Variants in COMMD10 observed in about 807,000 individuals in gnomAD.
COMMD10 encodes COMM domain-containing protein 10.
COMMD10 carries 33 observed loss-of-function variants against 28.9 expected under a neutral mutation model. That is an observed-to-expected ratio of 1.14 (90% confidence interval 0.87 to 1.53). The LOEUF is 1.53. Among genes scored for constraint, COMMD10 ranks in the 40% most tolerant of loss-of-function variants. The probability of loss-of-function intolerance (pLI) is 0.00; values close to 1 mark genes in which losing one functional copy is unlikely to be tolerated. For missense variants in COMMD10, 310 were observed against 233.4 expected, an observed-to-expected ratio of 1.33 and a Z score of -2.14; for synonymous variants, 110 against 81.7, an observed-to-expected ratio of 1.35 and a Z score of -1.87.
chr5:116,288,744 C>T (rs770188928), intron 5 of COMMD10, among the ~76,000 whole-genome samples: 6 of 151,390 alleles, frequency 4.0e-5, no homozygotes, highest in South Asian at 2.1e-4. Context: ...TTTTCCATTC[C>T]GTTACTGTAT....
intron 5 of COMMD10, among the ~76,000 whole-genome samples, chr5:116,273,113 A>T (rs1428799571): frequency 6.6e-6 from 1 of 151,988 alleles, no homozygotes; most frequent in Middle Eastern, 3.4e-3. Context: ...AGAAGAATTC[A>T]GTTTGCTCTG....
chr5:116,239,672 C>A (rs1749764232), intron 5 of COMMD10, among the ~76,000 whole-genome samples: 1 of 152,124 alleles, frequency 6.6e-6, no homozygotes, highest in South Asian at 2.1e-4. Context: ...TGATCAGAAT[C>A]TGTGTGCAAA....
intron 5 of COMMD10, among the ~76,000 whole-genome samples, chr5:116,228,018 G>C (rs10071788): frequency 0.61 from 93,208 of 151,804 alleles, 31,908 homozygotes; most frequent in South Asian, 0.78. Flanking sequence ...TTCAATGGAG[G>C]TTAAAATCTT....
chr5:116,090,147 G>A (rs113552452), intron 2 of COMMD10, among the ~76,000 whole-genome samples: 1 of 152,054 alleles, frequency 6.6e-6, no homozygotes, highest in Non-Finnish European at 1.5e-5. Context: ...CAATATGAGG[G>A]ACTAAGACAA....
intron 5 of COMMD10, among the ~76,000 whole-genome samples, chr5:116,161,443 CAA>C (rs1472979397): frequency 6.6e-6 from 1 of 152,032 alleles, no homozygotes; most frequent in Non-Finnish European, 1.5e-5. Context: ...GACCCTTGAA[CAA>C]TACCGGGTCT....
intron 4 of COMMD10, among the ~76,000 whole-genome samples, chr5:116,104,680 C>T (rs1252065685): frequency 4.0e-5 from 6 of 151,480 alleles, no homozygotes; most frequent in Non-Finnish European, 7.4e-5. Flanking sequence ...AGTGCAGTGG[C>T]ACGATGTCGG....
chr5:116,147,493 T>C (rs1176845285), intron 5 of COMMD10, among the ~76,000 whole-genome samples: 4 of 151,882 alleles, frequency 2.6e-5, no homozygotes, highest in Admixed American at 2.6e-4. Flanking sequence ...TTAAAAAATA[T>C]ATCATATTTT....
chr5:116,258,302 C>T (rs1415512825), intron 5 of COMMD10, among the ~76,000 whole-genome samples: 1 of 151,756 alleles, frequency 6.6e-6, no homozygotes, highest in African/African-American at 2.4e-5. Flanking sequence ...TTACTCTCTT[C>T]CTCCCTGTTA....
chr5:116,124,076 T>C (rs762970563), intron 4 of COMMD10, among the ~76,000 whole-genome samples: 1 of 152,202 alleles, frequency 6.6e-6, no homozygotes, highest in Non-Finnish European at 1.5e-5. Context: ...CCTTCAGTTT[T>C]GCTCTGATCT....
At chr5:116,255,113 A>G (rs1257007599) in intron 5 of COMMD10, among the ~76,000 whole-genome samples, 1 of 151,636 alleles carries the variant, frequency 6.6e-6, no homozygotes, top group African/African-American at 2.4e-5. Context: ...CAAGACTAGG[A>G]TTGCAACCCC....
At chr5:116,091,054 T>G (rs1750279987) in intron 2 of COMMD10, 25 bp from the exon 3 acceptor site, 1 of 1,416,852 alleles carries the variant, frequency 7.1e-7, no homozygotes, top group Non-Finnish European at 9.9e-7. Context: ...TGTGCTAATA[T>G]AATAGATTGC....
intron 2 of COMMD10, among the ~76,000 whole-genome samples, chr5:116,090,583 A>G (rs1381153245): frequency 6.6e-6 from 1 of 152,236 alleles, no homozygotes; most frequent in Non-Finnish European, 1.5e-5. Flanking sequence ...TCTAGTTTTG[A>G]GAGGTCAGCT....
intron 5 of COMMD10, among the ~76,000 whole-genome samples, chr5:116,235,049 A>AATCAATC (rs1169088404): frequency 1.3e-5 from 2 of 152,178 alleles, no homozygotes; most frequent in Non-Finnish European, 2.9e-5. Context: ...AGGACATAAA[A>AATCAATC]ATCAATCATT....
rs192839215 is a variant in COMMD10 at position 116,219,774 on chromosome 5, A to G, written c.511-71743A>G. 2.6e-3 allele frequency among the ~76,000 whole-genome samples: 391 copies of G among 152,340 alleles called. 1 individual carries two copies. The highest frequency in any genetic ancestry group is 4.4e-3 in the Non-Finnish European group (299 of 68,034). ...CAAATAGCTGCTGAAAATACCAAAT[A>G]CTTTTCTGTGTCTAATGATGTAATC... On this transcript the variant is annotated intron_variant, in intron 5 of 6. Coordinates refer to ENST00000274458, the MANE Select transcript of COMMD10 (RefSeq NM_016144.4).
At chr5:116,167,203 T>G (rs1036986002) in intron 5 of COMMD10, among the ~76,000 whole-genome samples, 1 of 151,896 alleles carries the variant, frequency 6.6e-6, no homozygotes, top group African/African-American at 2.4e-5. Context: ...TCATGCAGCC[T>G]ACACAAGTGT....
intron 4 of COMMD10, among the ~76,000 whole-genome samples, chr5:116,101,733 T>A (rs1750672741): frequency 6.6e-6 from 1 of 152,192 alleles, no homozygotes; most frequent in African/African-American, 2.4e-5. Flanking sequence ...CTTTCTTCAC[T>A]TTTTAATAGC....
chr5:116,285,872 C>A (rs1414932576), intron 5 of COMMD10, among the ~76,000 whole-genome samples: 1 of 151,730 alleles, frequency 6.6e-6, no homozygotes, highest in East Asian at 1.9e-4. Flanking sequence ...ATAATACTGG[C>A]CTCATTAGAA....
chr5:116,211,518 TG>T (rs986105386), intron 5 of COMMD10, among the ~76,000 whole-genome samples: 22 of 152,270 alleles, frequency 1.4e-4, no homozygotes, highest in African/African-American at 5.3e-4. Flanking sequence ...TTTAATCTTA[TG>T]GGGCCACCAT....
At chr5:116,225,354 A>AT (rs3073081) in intron 5 of COMMD10, among the ~76,000 whole-genome samples, 7,471 of 132,258 alleles carry the variant, frequency 0.056, 328 homozygotes, top group East Asian at 0.13. Context: ...TTTTTTGGGG[A>AT]TTTTTTTTTT....
Sources: gnomAD v4.1 joint callset for allele counts (sites outside exome capture counted in the v4.1 genomes callset) on GRCh38, gnomAD v4.1.1 for gene constraint, MANE v1.5 for transcripts, NCBI Gene and HGNC (gene_info 2026-07-23, HGNC 2026-07-21) for gene names.